TMEM132D: variants seen among roughly 807,000 people sequenced by gnomAD.
The protein encoded by TMEM132D is transmembrane protein 132D.
In TMEM132D, 21 loss-of-function variants were observed where a neutral mutation model predicts 62.3. The observed-to-expected ratio is 0.34, with a 90% confidence interval of 0.24 to 0.49. TMEM132D has a LOEUF of 0.49. Ranked by LOEUF, TMEM132D falls within the 20% of genes least tolerant of loss-of-function variation. The pLI is 0.99. For missense variants in TMEM132D, 1,346 were observed against 1,402.8 expected (o/e 0.96, Z 0.65); for synonymous variants, 621 against 575.6 (o/e 1.08, Z -1.13).
chr12:129,107,171 A>G (rs565326830), intron 5 of TMEM132D, among the ~76,000 whole-genome samples: 1 of 152,308 alleles, frequency 6.6e-6, no homozygotes, highest in African/African-American at 2.4e-5. Context: ...AATGGCACCA[A>G]ATTTCTGAAA....
chr12:129,314,067 C>T (rs1261105289), intron 4 of TMEM132D, among the ~76,000 whole-genome samples: 2 of 151,798 alleles, frequency 1.3e-5, no homozygotes, highest in Non-Finnish European at 2.9e-5. Context: ...TTTTTTCTTA[C>T]TAATTTGTTT....
intron 2 of TMEM132D, among the ~76,000 whole-genome samples, chr12:129,640,965 C>T (rs1375648081): frequency 6.6e-6 from 1 of 152,146 alleles, no homozygotes; most frequent in Non-Finnish European, 1.5e-5. Context: ...GTCACTGTCT[C>T]CCATCACCCT....
rs573677143 is a variant in TMEM132D, at chr12:129,903,307, G to A, written c.33C>T (p.His11=). 23 of 1,554,480 alleles carry A rather than the reference G, an allele frequency of 1.5e-5. No homozygotes were observed. The highest frequency in any genetic ancestry group is 1.7e-4 in the Middle Eastern group (1 of 5,994). Reference sequence around the variant, plus strand: ...GGCTGATGAGTACCGGCGACCAGTGGTGCCACAGCGTCCCCATCTCAGACG... The same window carrying A: ...GGCTGATGAGTACCGGCGACCAGTGATGCCACAGCGTCCCCATCTCAGACG... MCPSEMGTLW[H]HWSPVLISLA... Residue 11 remains histidine (H), a synonymous_variant, in exon 1 of 9, where the codon CAC becomes CAT. Coordinates refer to ENST00000422113, the MANE Select transcript of TMEM132D (RefSeq NM_133448.3). This position sits in a 1 kb window ranked among gnomAD's most constrained non-coding sequence, Gnocchi z 6.2.
chr12:129,599,491 G>A lies in TMEM132D; in HGVS notation c.969-68286C>T, dbSNP rs189257475. On this transcript the variant is annotated intron_variant, in intron 2 of 8. Coordinates refer to ENST00000422113, the MANE Select transcript of TMEM132D (RefSeq NM_133448.3). ...ACTGAGACCACACTTTGTTTAATCCGTCAGAATTTATAATTGCTTTGAAGC... is the reference window on the plus strand; with the variant it reads ...ACTGAGACCACACTTTGTTTAATCCATCAGAATTTATAATTGCTTTGAAGC... Among the ~76,000 whole-genome samples, 911 of 152,200 alleles carry A rather than the reference G, an allele frequency of 6.0e-3. 5 individuals carry two copies. Among genetic ancestry groups the A allele is most frequent in the Non-Finnish European group, 8.5e-3 (580 of 68,000 alleles).
Position 129,896,927 on chromosome 12 carries a change from G to A in TMEM132D, c.79+6334C>T, listed in dbSNP as rs1332223751. Among the ~76,000 whole-genome samples the A allele has an allele frequency of 3.3e-5, 5 of 152,148 alleles. No homozygotes were observed. In the East Asian group the frequency reaches 7.7e-4, roughly 24 times the overall value. ...TGTTCTAAAACTATGTACTTCAGTC[G>A]CTTTTCAGATGCATGCCACAGGTTT... On this transcript the variant is annotated intron_variant, in intron 1 of 8. Coordinates refer to ENST00000422113, the MANE Select transcript of TMEM132D (RefSeq NM_133448.3).
chr12:129,117,835 T>A (rs1198343147), intron 5 of TMEM132D, among the ~76,000 whole-genome samples: 1 of 152,238 alleles, frequency 6.6e-6, no homozygotes, highest in Non-Finnish European at 1.5e-5. Flanking sequence ...GCTTTTAAAG[T>A]CTGAATACCT....
At chr12:129,253,660 A>T (rs1880327906) in intron 4 of TMEM132D, among the ~76,000 whole-genome samples, 1 of 152,200 alleles carries the variant, frequency 6.6e-6, no homozygotes, top group South Asian at 2.1e-4. Context: ...AACTGAACTC[A>T]GCATCTTGCA....
At chr12:129,266,254 G>A (rs75792040) in intron 4 of TMEM132D, among the ~76,000 whole-genome samples, 3,044 of 152,170 alleles carry the variant, frequency 0.02, 108 homozygotes, top group African/African-American at 0.069. Context: ...CCACACTGGG[G>A]CTCCTCTCTC....
chr12:129,729,175 C>T (rs1015997955), intron 1 of TMEM132D, among the ~76,000 whole-genome samples: 1 of 152,180 alleles, frequency 6.6e-6, no homozygotes, highest in Admixed American at 6.5e-5. Context: ...CCTTATGCCT[C>T]ATTTGTATTA....
intron 1 of TMEM132D, among the ~76,000 whole-genome samples, chr12:129,874,320 G>A (rs1162964570): frequency 6.6e-6 from 1 of 152,080 alleles, no homozygotes; most frequent in Non-Finnish European, 1.5e-5. Context: ...TGAGGCAGGA[G>A]AATCACTTGA....
chr12:129,521,726 T>G (rs1875852710), intron 3 of TMEM132D: 1 of 152,234 alleles, frequency 6.6e-6, no homozygotes, highest in Non-Finnish European at 1.5e-5. Flanking sequence ...TCGCTTGTTC[T>G]TTTTCATTGC....
intron 4 of TMEM132D, among the ~76,000 whole-genome samples, chr12:129,244,623 TTTTA>T (rs1349107181): frequency 1.3e-5 from 2 of 151,902 alleles, no homozygotes; most frequent in African/African-American, 4.8e-5. Flanking sequence ...TTGTTTTTTG[TTTTA>T]TTTTTGTTTT....
chr12:129,327,300 T>A (rs1003519699), intron 4 of TMEM132D, among the ~76,000 whole-genome samples: 4 of 152,178 alleles, frequency 2.6e-5, no homozygotes, highest in African/African-American at 9.7e-5. Flanking sequence ...TGGGTCCGCA[T>A]GGCAAGTGGA....
intron 4 of TMEM132D, among the ~76,000 whole-genome samples, chr12:129,308,131 C>A (rs1291574379): frequency 6.6e-6 from 1 of 152,204 alleles, no homozygotes; most frequent in Non-Finnish European, 1.5e-5. Context: ...CTGACCCTAT[C>A]TGATCTTCCA....
chr12:129,765,639 A>G (rs1870526777), intron 1 of TMEM132D, among the ~76,000 whole-genome samples: 1 of 151,722 alleles, frequency 6.6e-6, no homozygotes, highest in Non-Finnish European at 1.5e-5. Flanking sequence ...GATTAAACCA[A>G]ATTCCCTCTT....
intron 3 of TMEM132D, among the ~76,000 whole-genome samples, chr12:129,407,808 A>C (rs556456782): frequency 6.6e-6 from 1 of 151,486 alleles, no homozygotes; most frequent in East Asian, 1.9e-4. Context: ...AGGCTGAGGC[A>C]GGAGAATGGT....
chr12:129,893,022 A>C (rs1333034481), intron 1 of TMEM132D, among the ~76,000 whole-genome samples: 1 of 152,114 alleles, frequency 6.6e-6, no homozygotes, highest in African/African-American at 2.4e-5. Flanking sequence ...CACTACAGGC[A>C]CATGGCACCA....
intron 1 of TMEM132D, among the ~76,000 whole-genome samples, chr12:129,882,962 G>A (rs1874646234): frequency 6.6e-6 from 1 of 152,046 alleles, no homozygotes. Context: ...CCTAAGTTTG[G>A]GAATAGAGAA....
intron 4 of TMEM132D, among the ~76,000 whole-genome samples, chr12:129,271,386 T>A (rs917937332): frequency 6.6e-6 from 1 of 151,806 alleles, no homozygotes; most frequent in Admixed American, 6.6e-5. Flanking sequence ...TTTTCTTTTT[T>A]CTTTTTGATT....
Sources: gnomAD v4.1 joint callset for allele counts (sites outside exome capture counted in the v4.1 genomes callset) on GRCh38, gnomAD v4.1.1 for gene constraint, Gnocchi (gnomAD v3.1) non-coding constraint, MANE v1.5 for transcripts, NCBI Gene and HGNC (gene_info 2026-07-23, HGNC 2026-07-21) for gene names.